Variants in CDH22 observed in about 807,000 individuals in gnomAD.
CDH22 encodes the protein cadherin 22.
CDH22 carries 30 observed loss-of-function variants against 58.4 expected under a neutral mutation model. The observed-to-expected ratio is 0.51, with a 90% CI of 0.38 to 0.70. The LOEUF (loss-of-function observed/expected upper bound fraction) is 0.70. Among genes scored for constraint, CDH22 ranks in the 30% least tolerant of loss-of-function variants. CDH22 has a pLI of 0.00. For missense variants in CDH22, 1,014 were observed against 1,233.9 expected (o/e 0.82, Z 2.67); for synonymous variants, 513 against 558.2 (o/e 0.92, Z 1.14).
intron 1 of CDH22, among the ~76,000 whole-genome samples, chr20:46,279,263 G>A (rs2086536876): frequency 6.6e-6 from 1 of 152,108 alleles, no homozygotes; most frequent in South Asian, 2.1e-4. Flanking sequence ...CGCTGAAAAC[G>A]CAAAAAACTC....
chr20:46,219,357 CT>C lies in CDH22; in HGVS notation c.671-2365del, dbSNP rs922891915. On this transcript the variant is annotated intron_variant, in intron 4 of 11. Coordinates refer to ENST00000537909, the MANE Select transcript of CDH22 (RefSeq NM_021248.3). ...ATTTCTTTGGTCATGTGATTTTGAG[CT>C]AATCCCTTCACCTCTTTGAACCTCA... Among the ~76,000 whole-genome samples, 47 of 152,298 alleles carry C rather than the reference CT, an allele frequency of 3.1e-4. 1 individual carries two copies. The highest frequency in any genetic ancestry group is 1.1e-3 in the African/African-American group (46 of 41,548).
intron 1 of CDH22, among the ~76,000 whole-genome samples, chr20:46,299,012 A>G (rs2086640116): frequency 6.6e-6 from 1 of 152,032 alleles, no homozygotes; most frequent in South Asian, 2.1e-4. Flanking sequence ...CTTTCCTTCA[A>G]GTCCATCCTA....
chr20:46,270,146 G>A (rs1451133575), intron 1 of CDH22, among the ~76,000 whole-genome samples: 1 of 152,182 alleles, frequency 6.6e-6, no homozygotes, highest in Admixed American at 6.5e-5. Context: ...GAGCCTAGGG[G>A]AAGAAAGTAG....
At chr20:46,274,512 GT>G (rs1242434083) in intron 1 of CDH22, among the ~76,000 whole-genome samples, 2 of 152,202 alleles carry the variant, frequency 1.3e-5, no homozygotes, top group Non-Finnish European at 2.9e-5. Flanking sequence ...TTGGAAAACA[GT>G]TTGGTAGTTT....
At chr20:46,250,324 T>C (rs972795306) in intron 2 of CDH22, among the ~76,000 whole-genome samples, 8 of 152,200 alleles carry the variant, frequency 5.3e-5, no homozygotes, top group African/African-American at 1.9e-4. Context: ...CACACATTAA[T>C]TGCACAATGA....
At chr20:46,295,255 G>T (rs1011423528) in intron 1 of CDH22, among the ~76,000 whole-genome samples, 1 of 152,144 alleles carries the variant, frequency 6.6e-6, no homozygotes, top group African/African-American at 2.4e-5. Flanking sequence ...TTTTTGCTTT[G>T]AGAATATCCT....
At chr20:46,267,063 ATC>A (rs984380022) in intron 1 of CDH22, among the ~76,000 whole-genome samples, 5 of 152,176 alleles carry the variant, frequency 3.3e-5, no homozygotes, top group African/African-American at 1.2e-4. Context: ...TCTGTGCCAC[ATC>A]TGTTTTATTA....
chr20:46,200,517 A>G (rs1290550871), intron 7 of CDH22, among the ~76,000 whole-genome samples: 2 of 149,374 alleles, frequency 1.3e-5, no homozygotes, highest in East Asian at 4.0e-4. Flanking sequence ...ACTGAGCTCA[A>G]GCGATCCGCT....
chr20:46,197,814 G>A lies in CDH22; in HGVS notation c.1423+1609C>T, dbSNP rs574706218. On this transcript the variant is annotated intron_variant, in intron 8 of 11. Coordinates refer to ENST00000537909, the MANE Select transcript of CDH22 (RefSeq NM_021248.3). ...TTAAACTGCAGTTGAAAGAGACGAA[G>A]GGAACTTCAGCCTAGGGACTTCCTT... 2.0e-5 allele frequency among the ~76,000 whole-genome samples: 3 copies of A among 152,314 alleles called. No homozygotes were observed. In the East Asian group the frequency reaches 5.8e-4, roughly 29 times the overall value.
At chr20:46,280,074 G>A (rs2086542503) in intron 1 of CDH22, among the ~76,000 whole-genome samples, 1 of 152,302 alleles carries the variant, frequency 6.6e-6, no homozygotes, top group South Asian at 2.1e-4. Context: ...CACACCTGGG[G>A]CTGTCTGGTT....
At position 46,276,247 on chromosome 20, in the gene CDH22, A is replaced by G. The variant is rs376608704; in HGVS notation, c.-399-24554T>C. ...TCTCTGCAGAGCCTGAAGCCAAAGG[A>G]GAGACCCTGGACTTTAGACATGTTG... is the stretch of plus-strand genomic sequence containing the variant. On this transcript the variant is annotated intron_variant, in intron 1 of 11. Coordinates refer to ENST00000537909, the MANE Select transcript of CDH22 (RefSeq NM_021248.3). Among the ~76,000 whole-genome samples the G allele has an allele frequency of 2.0e-5, 3 of 152,316 alleles. No homozygotes were observed. The East Asian group carries it at 5.8e-4, about 29-fold the overall frequency.
intron 1 of CDH22, among the ~76,000 whole-genome samples, chr20:46,285,224 A>C (rs2086570829): frequency 6.6e-6 from 1 of 152,216 alleles, no homozygotes; most frequent in South Asian, 2.1e-4. Context: ...CCAAAGGAGA[A>C]TTGTTCTCGA....
intron 10 of CDH22, among the ~76,000 whole-genome samples, chr20:46,179,364 T>C (rs1413831991): frequency 4.6e-5 from 7 of 152,168 alleles, no homozygotes; most frequent in Admixed American, 4.6e-4. Flanking sequence ...TTACCCTGCT[T>C]CGTGGCCCCA....
At position 46,213,169 on chromosome 20, in the gene CDH22, G is replaced by T. The variant is rs745687128; in HGVS notation, c.858C>A (p.Ile286=). 4.3e-6 allele frequency: 7 copies of T among 1,614,142 alleles called. No homozygotes were observed. In the East Asian group the frequency reaches 1.6e-4, roughly 36 times the overall value. ...RFPQKMYQFS[I]QESAPIGTAV... ...CCGTTCCAATGGGGGCTGACTCCTG[G>T]ATGCTGAACTGGTACATCTCTGTGG... The change falls in exon 6 of 12, where the codon ATC becomes ATA. Residue 286 remains isoleucine, a synonymous_variant. Transcript: ENST00000537909.
At chr20:46,175,149 T>C (rs890744401) in intron 11 of CDH22, 72 bp from the exon 12 acceptor site, 16 of 1,436,864 alleles carry the variant, frequency 1.1e-5, no homozygotes, top group South Asian at 6.3e-5. Context: ...CTCTACCCCA[T>C]CTCCTCCCGC....
chr20:46,223,715 TTTTC>T (rs1568664226), intron 4 of CDH22, among the ~76,000 whole-genome samples: 1 of 24,074 alleles, frequency 4.2e-5, no homozygotes, highest in African/African-American at 1.9e-4. Context: ...CTTTCTTTCT[TTTTC>T]TTTCTTTCTC....
At chr20:46,188,137 G>A (rs111231189) in intron 8 of CDH22, among the ~76,000 whole-genome samples, 27 of 152,312 alleles carry the variant, frequency 1.8e-4, no homozygotes, top group African/African-American at 6.3e-4. Context: ...ATGAATGAAT[G>A]AAGCCTGGAA....
intron 1 of CDH22, among the ~76,000 whole-genome samples, chr20:46,294,426 A>G (rs1462239288): frequency 6.6e-6 from 1 of 152,200 alleles, no homozygotes; most frequent in African/African-American, 2.4e-5. Flanking sequence ...AGATGGGGAC[A>G]CACCAGAGCT....
At chr20:46,292,839 T>C (rs2086610484) in intron 1 of CDH22, among the ~76,000 whole-genome samples, 2 of 152,174 alleles carry the variant, frequency 1.3e-5, no homozygotes, top group South Asian at 4.1e-4. Context: ...AGGGGGTCTT[T>C]CTGATTCCTG....
Sources: allele counts gnomAD v4.1 joint callset (sites outside exome capture counted in the v4.1 genomes callset), GRCh38; gene constraint gnomAD v4.1.1; transcripts MANE v1.5; gene names NCBI Gene and HGNC (gene_info 2026-07-23, HGNC 2026-07-21).